The following MYO1E variants were observed in gnomAD, a reference collection of about 807,000 sequenced individuals.
MYO1E encodes the protein unconventional myosin-Ie.
A neutral mutation model predicts 151.1 loss-of-function variants in MYO1E; 68 were observed. The observed-to-expected ratio is 0.45, with a 90% confidence interval of 0.37 to 0.55. The LOEUF is 0.55. Among genes scored for constraint, MYO1E ranks in the 20% least tolerant of loss-of-function variants. The pLI, the probability that MYO1E is intolerant of heterozygous loss-of-function variation, is 0.00. For synonymous variants in MYO1E, 601 were observed against 501.7 expected (o/e 1.20, Z -2.64); for missense variants, 1,363 against 1,389.3 (o/e 0.98, Z 0.30).
intron 1 of MYO1E, among the ~76,000 whole-genome samples, chr15:59,344,941 C>A (rs533865625): frequency 6.6e-6 from 1 of 152,306 alleles, no homozygotes; most frequent in East Asian, 1.9e-4. Flanking sequence ...AAAATCAACT[C>A]ATCTGTTTGC....
chr15:59,304,227 T>C (rs2080501599), intron 1 of MYO1E, among the ~76,000 whole-genome samples: 1 of 152,184 alleles, frequency 6.6e-6, no homozygotes, highest in African/African-American at 2.4e-5. Flanking sequence ...AGGTGAGTCA[T>C]CTGCCTTGGC....
chr15:59,282,952 GGAGAGGGGAGGGGAA>G (rs1280276885), intron 1 of MYO1E, among the ~76,000 whole-genome samples: 1 of 10,116 alleles, frequency 9.9e-5, no homozygotes, highest in Non-Finnish European at 2.3e-4. Context: ...GGGGGAGGGG[GGAGAGGGGAGGGGAA>G]AGGGGAAAGG....
chr15:59,196,985 A>AATTTTTT (rs1566976061), intron 16 of MYO1E, among the ~76,000 whole-genome samples: 3 of 34,268 alleles, frequency 8.8e-5, no homozygotes, highest in African/African-American at 1.3e-4. Flanking sequence ...TTTAATTACG[A>AATTTTTT]CTTTTTTTTT....
intron 18 of MYO1E, among the ~76,000 whole-genome samples, chr15:59,184,734 G>C (rs766579307): frequency 6.6e-6 from 1 of 152,210 alleles, no homozygotes; most frequent in African/African-American, 2.4e-5. Flanking sequence ...ATTGTGAATA[G>C]TGCTGCCATA....
chr15:59,295,616 T>C lies in MYO1E; in HGVS notation c.4-23167A>G, dbSNP rs79922064. Among the ~76,000 whole-genome samples, 1,116 of 152,232 alleles carry C rather than the reference T, an allele frequency of 7.3e-3. 14 individuals are homozygous for C. The highest frequency in any genetic ancestry group is 0.012 in the South Asian group (57 of 4,826). On this transcript the variant is annotated intron_variant, in intron 1 of 27. Coordinates refer to ENST00000288235, the MANE Select transcript of MYO1E (RefSeq NM_004998.4). ...ATCCCCATCCAGCGAGAGAAAATAA[T>C]GCCACCTCGCATTTGCTCCCAGTGT... is the stretch of plus-strand genomic sequence containing the variant.
At chr15:59,173,617 A>T in intron 21 of MYO1E, 129 bp downstream of exon 21, 1 of 1,111,722 alleles carries the variant, frequency 9.0e-7, no homozygotes, top group Non-Finnish European at 1.3e-6. Flanking sequence ...CTTTTGGTTT[A>T]CTGTATTTTC....
intron 7 of MYO1E, among the ~76,000 whole-genome samples, 153 bp downstream of exon 7, chr15:59,227,306 G>T (rs968851241): frequency 5.9e-5 from 9 of 152,208 alleles, no homozygotes; most frequent in Non-Finnish European, 1.3e-4. Flanking sequence ...CTTGAGGGCA[G>T]GACATTCTCA....
intron 17 of MYO1E, among the ~76,000 whole-genome samples, chr15:59,190,476 T>C (rs1418432107): frequency 6.6e-6 from 1 of 152,178 alleles, no homozygotes; most frequent in Non-Finnish European, 1.5e-5. Flanking sequence ...CAATTAAGTC[T>C]CATACTTGCG....
rs556138742 is a variant in MYO1E at position 59,215,849 on chromosome 15, A to G, written c.1108-1129T>C. On this transcript the variant is annotated intron_variant, in intron 10 of 27. Transcript: ENST00000288235. ...GGAAGGTGCTCTGAACAAAGAGAAA[A>G]GAGATATGGATTCTAGTCCCAGGCT... Among the ~76,000 whole-genome samples the G allele has an allele frequency of 4.6e-5, 7 of 152,242 alleles. No homozygotes were observed. In the East Asian group the frequency reaches 1.4e-3, roughly 29 times the overall value.
intron 24 of MYO1E, 43 bp from the exon 25 acceptor site, chr15:59,158,422 GT>G: frequency 7.0e-7 from 1 of 1,432,524 alleles, no homozygotes; most frequent in Non-Finnish European, 9.6e-7. Context: ...CTACTGGTTG[GT>G]TTTATGGATC....
chr15:59,184,478 A>C (rs1423759573), intron 18 of MYO1E, among the ~76,000 whole-genome samples: 1 of 152,024 alleles, frequency 6.6e-6, no homozygotes, highest in Non-Finnish European at 1.5e-5. Flanking sequence ...TTCCCGCCTC[A>C]GCCTCCCAAG....
At chr15:59,352,564 T>A (rs1224928804) in intron 1 of MYO1E, among the ~76,000 whole-genome samples, 1 of 152,166 alleles carries the variant, frequency 6.6e-6, no homozygotes, top group Non-Finnish European at 1.5e-5. Context: ...GGAGTTTAAA[T>A]CCCCTCTCTG....
At chr15:59,194,992 G>C (rs2079757460) in intron 17 of MYO1E, among the ~76,000 whole-genome samples, 2 of 151,414 alleles carry the variant, frequency 1.3e-5, no homozygotes, top group East Asian at 2.0e-4. Context: ...AGAGCCTCCA[G>C]CTTGTCCCCA....
At chr15:59,303,814 G>A (rs2080497891) in intron 1 of MYO1E, among the ~76,000 whole-genome samples, 2 of 152,222 alleles carry the variant, frequency 1.3e-5, no homozygotes, top group South Asian at 4.2e-4. Flanking sequence ...TTGTTCTACT[G>A]AGTCGGCAGT....
At chr15:59,368,152 G>A (rs2080924997) in intron 1 of MYO1E, among the ~76,000 whole-genome samples, 1 of 152,024 alleles carries the variant, frequency 6.6e-6, no homozygotes, top group Non-Finnish European at 1.5e-5. Flanking sequence ...GGCAGATATA[G>A]CATAAAAATC....
At chr15:59,213,136 T>TTTATTATTATTATTA (rs147109664) in intron 12 of MYO1E, among the ~76,000 whole-genome samples, 1 of 139,370 alleles carries the variant, frequency 7.2e-6, no homozygotes, top group African/African-American at 2.7e-5. Flanking sequence ...GAACTATTTA[T>TTTATTATTATTATTA]TTATTATTAT....
chr15:59,236,946 G>A (rs1418711753), intron 4 of MYO1E, among the ~76,000 whole-genome samples: 1 of 152,146 alleles, frequency 6.6e-6, no homozygotes, highest in African/African-American at 2.4e-5. Flanking sequence ...GCCCAATAAT[G>A]GGGGATATGA....
intron 1 of MYO1E, among the ~76,000 whole-genome samples, chr15:59,368,631 A>G (rs1361395571): frequency 1.3e-5 from 2 of 152,158 alleles, no homozygotes; most frequent in South Asian, 4.1e-4. Flanking sequence ...CTGTAATCCC[A>G]GCTGCTTGGG....
At chr15:59,195,118 C>T (rs1282299018) in intron 17 of MYO1E, among the ~76,000 whole-genome samples, 1 of 152,150 alleles carries the variant, frequency 6.6e-6, no homozygotes, top group Non-Finnish European at 1.5e-5. Flanking sequence ...CGATCAGGGG[C>T]TGGGTGGACT....
Sources: allele counts gnomAD v4.1 joint callset (sites outside exome capture counted in the v4.1 genomes callset), GRCh38; gene constraint gnomAD v4.1.1; transcripts MANE v1.5; gene names NCBI Gene and HGNC (gene_info 2026-07-23, HGNC 2026-07-21).